Variants in RANBP17 observed in about 807,000 individuals in gnomAD.
The protein encoded by RANBP17 is ran-binding protein 17.
In RANBP17, 158 loss-of-function variants were observed where a neutral mutation model predicts 141.2. That is an observed-to-expected ratio of 1.12 (90% CI 0.98 to 1.28). RANBP17 has a LOEUF of 1.28. RANBP17 is among the 50% of genes most tolerant of loss of function. The pLI is 0.00. For synonymous variants in RANBP17, 430 were observed against 450.0 expected, an observed-to-expected ratio of 0.96 and a Z score of 0.56; for missense variants, 1,438 against 1,290.7, an observed-to-expected ratio of 1.11 and a Z score of -1.75.
chr5:170,872,169 T>C (rs74428100), intron 1 of RANBP17, among the ~76,000 whole-genome samples: 9 of 152,220 alleles, frequency 5.9e-5, no homozygotes, highest in Non-Finnish European at 1.3e-4. Flanking sequence ...TGTTTTTCCA[T>C]TTTTTTGTGT....
chr5:170,889,658 ATAT>A (rs1277546287), intron 3 of RANBP17, among the ~76,000 whole-genome samples: 1 of 152,216 alleles, frequency 6.6e-6, no homozygotes, highest in Admixed American at 6.5e-5. Flanking sequence ...TAAACATGAA[ATAT>A]TATTGTTACT....
intron 12 of RANBP17, among the ~76,000 whole-genome samples, chr5:170,935,606 G>C (rs963433133): frequency 1.3e-5 from 2 of 152,186 alleles, no homozygotes; most frequent in East Asian, 1.9e-4. Context: ...GGTATCACCA[G>C]CTGAGGCTGC....
At chr5:170,987,712 G>T (rs781042069) in intron 14 of RANBP17, among the ~76,000 whole-genome samples, 6 of 151,630 alleles carry the variant, frequency 4.0e-5, no homozygotes, top group Non-Finnish European at 8.9e-5. Context: ...TGTATAAATA[G>T]ATTTGCCAAA....
chr5:170,945,173 A>G (rs1401547927), intron 12 of RANBP17, among the ~76,000 whole-genome samples: 4 of 152,120 alleles, frequency 2.6e-5, no homozygotes, highest in Non-Finnish European at 5.9e-5. Flanking sequence ...TTGTTTTACT[A>G]ACAGCATTAG....
chr5:171,231,024 A>G (rs1260125969), intron 22 of RANBP17, among the ~76,000 whole-genome samples: 1 of 151,250 alleles, frequency 6.6e-6, no homozygotes, highest in Non-Finnish European at 1.5e-5. Context: ...GAACCCTCGA[A>G]GTCCTGGGCT....
At position 171,120,542 on chromosome 5, in the gene RANBP17, T is replaced by C. The variant is rs192003730; in HGVS notation, c.1711-49588T>C. 8.7e-4 allele frequency among the ~76,000 whole-genome samples: 133 copies of C among 152,372 alleles called. 2 individuals are homozygous for C. Among genetic ancestry groups the C allele is most frequent in the African/African-American group, 3.1e-3 (131 of 41,588 alleles). Reference sequence around the variant, plus strand: ...ATTTTTCATTTCACTCATTGACTTCTTTAGCTGTAGTCTGTTCTTTTTATG... The same window carrying C: ...ATTTTTCATTTCACTCATTGACTTCCTTAGCTGTAGTCTGTTCTTTTTATG... On this transcript the variant is annotated intron_variant, in intron 14 of 27. Coordinates refer to ENST00000523189, the MANE Select transcript of RANBP17 (RefSeq NM_022897.5).
chr5:171,139,632 G>T (rs1480753134), intron 14 of RANBP17, among the ~76,000 whole-genome samples: 1 of 151,962 alleles, frequency 6.6e-6, no homozygotes, highest in African/African-American at 2.4e-5. Flanking sequence ...TCATAAATAT[G>T]TCACCAATCT....
intron 9 of RANBP17, among the ~76,000 whole-genome samples, chr5:170,917,994 T>C (rs533298564): frequency 2.0e-5 from 3 of 152,270 alleles, no homozygotes; most frequent in African/African-American, 7.2e-5. Context: ...TTTACAAAGA[T>C]ACTTTTTGAA....
At chr5:171,244,515 C>T (rs1765092587) in intron 24 of RANBP17, among the ~76,000 whole-genome samples, 1 of 152,138 alleles carries the variant, frequency 6.6e-6, no homozygotes, top group African/African-American at 2.4e-5. Flanking sequence ...GATGCAATCT[C>T]ATCTTACTGC....
chr5:170,902,711 A>T (rs893674622), intron 5 of RANBP17, among the ~76,000 whole-genome samples: 2 of 151,882 alleles, frequency 1.3e-5, no homozygotes, highest in Non-Finnish European at 2.9e-5. Context: ...TTTTGTGTGG[A>T]TGTCCTTTTT....
intron 13 of RANBP17, among the ~76,000 whole-genome samples, chr5:170,965,272 G>A (rs898643086): frequency 6.7e-6 from 1 of 149,068 alleles, no homozygotes; most frequent in Non-Finnish European, 1.5e-5. Context: ...AAATTTGTTT[G>A]AGTTCATTGT....
chr5:171,159,370 T>C (rs961795960), intron 14 of RANBP17, among the ~76,000 whole-genome samples: 2 of 152,202 alleles, frequency 1.3e-5, no homozygotes, highest in Non-Finnish European at 2.9e-5. Context: ...AGATTGGATG[T>C]CTAGTCCTGG....
Position 170,940,058 on chromosome 5 carries a change from A to G in RANBP17, c.1469-13539A>G, listed in dbSNP as rs147587266. ...TAGGAGTGTTCCAGATATGTTATTA[A>G]TCCAATAAACATAAATGAGTTAAAT... is the stretch of plus-strand genomic sequence containing the variant. On this transcript the variant is annotated intron_variant, in intron 12 of 27. Transcript: ENST00000523189. Among the ~76,000 whole-genome samples, 508 of 152,346 alleles carry G rather than the reference A, an allele frequency of 3.3e-3. 2 individuals are homozygous for G. Among genetic ancestry groups the G allele is most frequent in the African/African-American group, 0.011 (439 of 41,576 alleles).
At chr5:171,018,666 T>C (rs1459295588) in intron 14 of RANBP17, among the ~76,000 whole-genome samples, 2 of 152,206 alleles carry the variant, frequency 1.3e-5, no homozygotes, top group Non-Finnish European at 2.9e-5. Context: ...GCTGAGATGA[T>C]GGGGTTTTCT....
chr5:171,183,273 A>G, intron 17 of RANBP17, 43 bp downstream of exon 17: 1 of 1,577,432 alleles, frequency 6.3e-7, no homozygotes, highest in Non-Finnish European at 8.7e-7. Flanking sequence ...TTTTACGAAT[A>G]GTTGAGGTAA....
Position 171,244,066 on chromosome 5 carries a change from A to G in RANBP17, c.2776+1246A>G, listed in dbSNP as rs1032998260. On this transcript the variant is annotated intron_variant, in intron 24 of 27. Coordinates refer to ENST00000523189, the MANE Select transcript of RANBP17 (RefSeq NM_022897.5). ...CTGCACCATTGCACTCAGCCTGGGC[A>G]ACAAGAATGAAATTCTGTCTCAAAA... 2.0e-5 allele frequency among the ~76,000 whole-genome samples: 3 copies of G among 152,014 alleles called. No individual in the cohort carries two copies. The East Asian group carries it at 5.8e-4, about 30-fold the overall frequency.
intron 16 of RANBP17, among the ~76,000 whole-genome samples, chr5:171,171,818 C>T (rs1760119944): frequency 6.6e-6 from 1 of 151,820 alleles, no homozygotes. Flanking sequence ...TTGATTATTG[C>T]CCCCACCAAA....
At chr5:170,971,657 A>T (rs1309048111) in intron 14 of RANBP17, among the ~76,000 whole-genome samples, 2 of 152,150 alleles carry the variant, frequency 1.3e-5, no homozygotes, top group African/African-American at 4.8e-5. Flanking sequence ...AATGACATTG[A>T]ATTTCCCTTT....
chr5:170,901,352 C>G (rs1360017551), intron 5 of RANBP17, among the ~76,000 whole-genome samples: 1 of 151,814 alleles, frequency 6.6e-6, no homozygotes, highest in South Asian at 2.1e-4. Context: ...TTTTGCTTTC[C>G]ATTTGCTTGG....
Sources: gnomAD v4.1 joint callset for allele counts (sites outside exome capture counted in the v4.1 genomes callset) on GRCh38, gnomAD v4.1.1 for gene constraint, MANE v1.5 for transcripts, NCBI Gene and HGNC (gene_info 2026-07-23, HGNC 2026-07-21) for gene names.